The following GPHN variants were observed in gnomAD, a reference collection of about 807,000 sequenced individuals.
GPHN encodes gephyrin.
GPHN carries 17 observed loss-of-function variants against 95.5 expected under a neutral mutation model. The observed-to-expected ratio is 0.18, with a 90% CI of 0.12 to 0.27. GPHN has a LOEUF of 0.27. GPHN is among the 10% of genes least tolerant of loss of function. The pLI, the probability that GPHN is intolerant of heterozygous loss-of-function variation, is 1.00. For missense variants in GPHN, 660 were observed against 978.1 expected, an observed-to-expected ratio of 0.67 and a Z score of 4.34; for synonymous variants, 320 against 322.5, an observed-to-expected ratio of 0.99 and a Z score of 0.08.
In GPHN at chr14:66,586,324, G is replaced by A. The variant is rs1443152270; in HGVS notation, c.64+77733G>A. 2.6e-5 allele frequency among the ~76,000 whole-genome samples: 4 copies of A among 152,120 alleles called. No homozygotes were observed. The East Asian group carries it at 7.7e-4, about 29-fold the overall frequency. The stretch of plus-strand genomic sequence containing the variant: ...TTTCCTGAATACAGCACACTGATGG[G>A]TCTTGACTCTGTATCCAGTTTACCA... On this transcript the variant is annotated intron_variant, in intron 1 of 22. Transcript: ENST00000478722.
chr14:67,342,766 C>T, the GPHN span, among the ~76,000 whole-genome samples: 1 of 151,290 alleles, frequency 6.6e-6, no homozygotes, highest in African/African-American at 2.4e-5. Flanking sequence ...ATATTTCTCA[C>T]TAGCATTAAT....
chr14:67,726,968 G>A, the GPHN span: 12 of 1,610,636 alleles, frequency 7.5e-6, no homozygotes, highest in Non-Finnish European at 9.3e-6. Context: ...TTCCCTGCTG[G>A]CTCTCCTCAC....
At chr14:66,977,060 T>C (rs2070295559) in intron 9 of GPHN, among the ~76,000 whole-genome samples, 2 of 152,160 alleles carry the variant, frequency 1.3e-5, no homozygotes, top group African/African-American at 2.4e-5. Flanking sequence ...TTCAGACTAA[T>C]AGGAATATAA....
the GPHN span, chr14:67,473,945 CG>C: frequency 1.3e-6 from 2 of 1,581,902 alleles, no homozygotes; most frequent in South Asian, 1.2e-5. The surrounding 1 kb of genome is among the most constrained non-coding windows in gnomAD (Gnocchi z 6.5). Context: ...GGGCTGGCTG[CG>C]GGGGGCGCAA....
At chr14:66,623,706 C>A (rs1333729528) in intron 1 of GPHN, among the ~76,000 whole-genome samples, 1 of 151,938 alleles carries the variant, frequency 6.6e-6, no homozygotes, top group African/African-American at 2.4e-5. Flanking sequence ...GCCATCCCCC[C>A]TTTACCCTGA....
At chr14:67,328,839 C>A in the GPHN span, among the ~76,000 whole-genome samples, 1 of 152,090 alleles carries the variant, frequency 6.6e-6, no homozygotes, top group Non-Finnish European at 1.5e-5. Context: ...TGGTCTGTAT[C>A]TCTGTTTTGG....
At chr14:67,044,838 GTGTCTCTGTC>G (rs1019971168) in intron 10 of GPHN, among the ~76,000 whole-genome samples, 3 of 150,984 alleles carry the variant, frequency 2.0e-5, no homozygotes, top group African/African-American at 7.3e-5. Flanking sequence ...CTCTGTTGGT[GTGTCTCTGTC>G]TGTCTCTGTC....
the GPHN span, among the ~76,000 whole-genome samples, chr14:67,548,484 G>T: frequency 6.6e-6 from 1 of 152,174 alleles, no homozygotes; most frequent in Non-Finnish European, 1.5e-5. Context: ...GATCACCTGA[G>T]GTCGGGAGTT....
At chr14:67,489,120 A>G in the GPHN span, among the ~76,000 whole-genome samples, 2 of 152,184 alleles carry the variant, frequency 1.3e-5, no homozygotes, top group Admixed American at 1.3e-4. Context: ...AGCAACTAAC[A>G]TATGGATGGA....
At chr14:67,234,252 T>C in the GPHN span, among the ~76,000 whole-genome samples, 4 of 152,164 alleles carry the variant, frequency 2.6e-5, no homozygotes, top group African/African-American at 9.7e-5. Flanking sequence ...AAGTAAAATA[T>C]TCAATTTTAG....
At chr14:67,650,676 C>A in the GPHN span, 2 of 1,586,702 alleles carry the variant, frequency 1.3e-6, no homozygotes, top group Non-Finnish European at 1.7e-6. Flanking sequence ...AGAGTAGCAG[C>A]AAGGGAACCT....
At chr14:66,982,079 T>C (rs1161023091) in intron 9 of GPHN, among the ~76,000 whole-genome samples, 1 of 152,204 alleles carries the variant, frequency 6.6e-6, no homozygotes, top group East Asian at 1.9e-4. Context: ...GAAATTTCTT[T>C]GAAGTTTTGT....
chr14:67,104,856 G>C (rs907165419), intron 13 of GPHN, among the ~76,000 whole-genome samples: 3 of 151,622 alleles, frequency 2.0e-5, no homozygotes, highest in Non-Finnish European at 4.4e-5. Context: ...TCTCTTATCT[G>C]TATTCTTTCT....
At chr14:66,906,960 C>T (rs1400124760) in intron 5 of GPHN, among the ~76,000 whole-genome samples, 6 of 152,116 alleles carry the variant, frequency 3.9e-5, no homozygotes, top group Admixed American at 6.6e-5. Context: ...AATATCAATT[C>T]GATCCTGTTG....
At chr14:66,565,204 T>G (rs544369501) in intron 1 of GPHN, among the ~76,000 whole-genome samples, 14 of 152,278 alleles carry the variant, frequency 9.2e-5, no homozygotes, top group East Asian at 1.9e-4. Flanking sequence ...GTAGGAGAGA[T>G]AGGATAGATG....
At chr14:67,639,815 C>G in the GPHN span, among the ~76,000 whole-genome samples, 2 of 150,274 alleles carry the variant, frequency 1.3e-5, no homozygotes, top group Admixed American at 6.7e-5. Context: ...ATCCCAGCTA[C>G]TTGGGAGGCT....
the GPHN span, chr14:67,692,614 G>A: frequency 4.7e-4 from 729 of 1,535,404 alleles, no homozygotes; most frequent in Non-Finnish European, 6.2e-4. Context: ...ACATATGAAA[G>A]AGAAATGGTC....
At chr14:66,606,607 G>C (rs1334710867) in intron 1 of GPHN, among the ~76,000 whole-genome samples, 1 of 152,068 alleles carries the variant, frequency 6.6e-6, no homozygotes, top group African/African-American at 2.4e-5. Flanking sequence ...CAATTCATGG[G>C]CATGGAATAT....
At chr14:67,402,582 C>T in the GPHN span, among the ~76,000 whole-genome samples, 3 of 152,176 alleles carry the variant, frequency 2.0e-5, no homozygotes, top group Non-Finnish European at 2.9e-5. Flanking sequence ...CAGCCCCTCA[C>T]CCACCCTTCC....
Sources: gnomAD v4.1 joint callset for allele counts (sites outside exome capture counted in the v4.1 genomes callset) on GRCh38, gnomAD v4.1.1 for gene constraint, Gnocchi (gnomAD v3.1) non-coding constraint, MANE v1.5 for transcripts, NCBI Gene and HGNC (gene_info 2026-07-23, HGNC 2026-07-21) for gene names.